SPPL3: variants seen among roughly 807,000 people sequenced by gnomAD.
The protein encoded by SPPL3 is signal peptide peptidase like 3.
A neutral mutation model predicts 42.4 loss-of-function variants in SPPL3; 5 were observed. That is an observed-to-expected ratio of 0.12 (90% confidence interval 0.06 to 0.25). SPPL3 has a LOEUF of 0.25. SPPL3 is among the 10% of genes least tolerant of loss of function. The pLI, the probability that SPPL3 is intolerant of heterozygous loss-of-function variation, is 1.00. For synonymous variants in SPPL3, 195 were observed against 181.8 expected (o/e 1.07, Z -0.58); for missense variants, 235 against 489.0 (o/e 0.48, Z 4.90).
At chr12:120,773,531 G>A (rs180835871) in intron 6 of SPPL3, among the ~76,000 whole-genome samples, 5 of 152,140 alleles carry the variant, frequency 3.3e-5, no homozygotes, top group Admixed American at 2.0e-4. Context: ...AACCAAAAGC[G>A]GGGCAGGGAA....
At position 120,867,907 on chromosome 12, in the gene SPPL3, C is replaced by A. The variant is rs573017585; in HGVS notation, c.23+35938G>T. Among the ~76,000 whole-genome samples, 13 of 151,968 alleles carry A rather than the reference C, an allele frequency of 8.6e-5. No homozygotes were observed. The South Asian group carries it at 2.5e-3, about 29-fold the overall frequency. On this transcript the variant is annotated intron_variant, in intron 1 of 10. Transcript: ENST00000353487. ...GGATTACAGGCACCTGCCACCACACCCAGCTAAATTTGTATCTTTTGTAGA... is the reference window on the plus strand; with the variant it reads ...GGATTACAGGCACCTGCCACCACACACAGCTAAATTTGTATCTTTTGTAGA...
chr12:120,792,957 G>A (rs1869971271), intron 2 of SPPL3, among the ~76,000 whole-genome samples: 1 of 152,124 alleles, frequency 6.6e-6, no homozygotes. Context: ...AAACTTACGT[G>A]CCTCAAAGGA....
chr12:120,903,774 C>A, intron 1 of SPPL3, 71 bp downstream of exon 1: 1 of 1,255,170 alleles, frequency 8.0e-7, no homozygotes, highest in South Asian at 1.6e-5. Flanking sequence ...TCCTCTTCCC[C>A]TCGGCGGGCC....
Position 120,765,067 on chromosome 12 carries a change from C to T in SPPL3, c.1087G>A (p.Asp363Asn). Residue 363 changes from aspartate to asparagine, a missense_variant, in exon 11 of 11, where the codon GAC (aspartate) becomes AAC (asparagine). Around this residue, in one of 6 missense-constraint regions of SPPL3, gnomAD observed 38 missense variants for 105.2 expected, o/e 0.36. Coordinates refer to ENST00000353487, the MANE Select transcript of SPPL3 (RefSeq NM_139015.5). ...GGCTCAGACCACATCCGCCGGAGGTCGCCCTGGGAAACAAGGGACTTTCTA... is the reference window on the plus strand; with the variant it reads ...GGCTCAGACCACATCCGCCGGAGGTTGCCCTGGGAAACAAGGGACTTTCTA... Reference protein sequence around the residue: ...PLLTMAYLKGDLRRMWSEPFH... With the variant: ...PLLTMAYLKGNLRRMWSEPFH... 1 of 1,613,328 alleles carries T rather than the reference C, an allele frequency of 6.2e-7. No homozygotes were observed. Among genetic ancestry groups the T allele is most frequent in the Non-Finnish European group, 8.5e-7 (1 of 1,179,680 alleles).
intron 1 of SPPL3, among the ~76,000 whole-genome samples, chr12:120,852,022 ACTAC>A (rs1353389930): frequency 6.6e-6 from 1 of 152,210 alleles, no homozygotes; most frequent in East Asian, 1.9e-4. Context: ...TGAATTGTGA[ACTAC>A]CTTAAGCTAT....
At chr12:120,815,408 G>A (rs571999407) in intron 1 of SPPL3, among the ~76,000 whole-genome samples, 48 of 152,216 alleles carry the variant, frequency 3.2e-4, no homozygotes, top group Middle Eastern at 6.8e-3. Context: ...TCTTTTTTAT[G>A]ATTAAAGGTC....
chr12:120,786,529 T>C (rs900032508), intron 3 of SPPL3, among the ~76,000 whole-genome samples: 2 of 152,086 alleles, frequency 1.3e-5, no homozygotes, highest in African/African-American at 4.8e-5. Flanking sequence ...AAGACTGTAG[T>C]GGTGAGGTAT....
rs1248084088 is a variant in SPPL3 at position 120,791,739 on chromosome 12, CAA to C, written c.102-184_102-183del. ...CTTCAGTCCTTCCAATGTGTCAGTT[CAA>C]GAGTTTTCCTGACTGCAGATGAAAG... On this transcript the variant is annotated intron_variant, in intron 2 of 10. Transcript: ENST00000353487. 18 of 529,622 alleles carry C rather than the reference CAA, an allele frequency of 3.4e-5. No individual in the cohort carries two copies. In the Admixed American group the frequency reaches 6.9e-4, roughly 20 times the overall value. 32.8% of individuals were successfully genotyped at this position (529,622 alleles called of 1,614,324 possible). A position where few individuals can be genotyped will look rare whatever the true frequency, so the allele number is the denominator to read the frequency against.
intron 1 of SPPL3, among the ~76,000 whole-genome samples, chr12:120,864,523 A>G (rs767442269): frequency 3.9e-5 from 6 of 152,026 alleles, no homozygotes; most frequent in Non-Finnish European, 8.8e-5. Context: ...CAAGAACGAA[A>G]CCCCATCTCA....
At chr12:120,807,971 G>A (rs1260467322) in intron 2 of SPPL3, among the ~76,000 whole-genome samples, 1 of 151,956 alleles carries the variant, frequency 6.6e-6, no homozygotes, top group African/African-American at 2.4e-5. Context: ...AAAAGGTTCT[G>A]AGCTGGAGGT....
intron 9 of SPPL3, among the ~76,000 whole-genome samples, chr12:120,766,587 T>A (rs889004567): frequency 6.6e-6 from 1 of 152,340 alleles, no homozygotes; most frequent in South Asian, 2.1e-4. Context: ...GACCCAAGTC[T>A]CACTCCTTGC....
chr12:120,814,171 G>A (rs1337962889), intron 1 of SPPL3, among the ~76,000 whole-genome samples: 2 of 152,198 alleles, frequency 1.3e-5, no homozygotes, highest in African/African-American at 4.8e-5. Context: ...CCCACACCAG[G>A]CTTTGAGATG....
chr12:120,768,407 G>A lies in SPPL3; in HGVS notation c.691C>T (p.Leu231=). 2 of 1,614,216 alleles carry A rather than the reference G, an allele frequency of 1.2e-6. No individual in the cohort carries two copies. Among genetic ancestry groups the A allele is most frequent in the Non-Finnish European group, 1.7e-6 (2 of 1,180,032 alleles). The change falls in exon 8 of 11, where the codon CTA becomes TTA. Residue 231 remains leucine, a synonymous_variant. Coordinates refer to ENST00000353487, the MANE Select transcript of SPPL3 (RefSeq NM_139015.5). ...TQPADNPLDV[L]SRKLHLGPNV... ...GGCCCCAGGTGGAGCTTCCGGGATAGAACGTCAAGGGGATTGTCAGCCGGC... is the reference window on the plus strand; with the variant it reads ...GGCCCCAGGTGGAGCTTCCGGGATAAAACGTCAAGGGGATTGTCAGCCGGC...
chr12:120,861,450 G>T (rs1872616609), intron 1 of SPPL3, among the ~76,000 whole-genome samples: 1 of 152,182 alleles, frequency 6.6e-6, no homozygotes. Flanking sequence ...GGGAAAAAGA[G>T]TAAGATTTTT....
chr12:120,877,702 A>G (rs1873148189), intron 1 of SPPL3, among the ~76,000 whole-genome samples: 1 of 151,228 alleles, frequency 6.6e-6, no homozygotes, highest in Non-Finnish European at 1.5e-5. Context: ...AATCGCTTGA[A>G]CCTGGGAGGT....
At chr12:120,840,536 G>C (rs2137025433) in intron 1 of SPPL3, among the ~76,000 whole-genome samples, 1 of 152,090 alleles carries the variant, frequency 6.6e-6, no homozygotes, top group South Asian at 2.1e-4. Context: ...AATTAGTGAT[G>C]ATGATTGCAC....
At chr12:120,882,947 T>C (rs745509042) in intron 1 of SPPL3, among the ~76,000 whole-genome samples, 6 of 151,886 alleles carry the variant, frequency 4.0e-5, no homozygotes, top group Non-Finnish European at 7.3e-5. Context: ...GCAGGGACTA[T>C]TTTATCAACA....
At chr12:120,890,610 A>T (rs1873610453) in intron 1 of SPPL3, among the ~76,000 whole-genome samples, 1 of 139,098 alleles carries the variant, frequency 7.2e-6, no homozygotes, top group Non-Finnish European at 1.6e-5. Flanking sequence ...AAAAAAAAAA[A>T]TCAAATCCAG....
At position 120,883,647 on chromosome 12, in the gene SPPL3, A is replaced by G. The variant is rs558435814; in HGVS notation, c.23+20198T>C. Among the ~76,000 whole-genome samples, 4 of 152,376 alleles carry G rather than the reference A, an allele frequency of 2.6e-5. No homozygotes were observed. The East Asian group carries it at 7.7e-4, about 29-fold the overall frequency. Reference sequence around the variant, plus strand: ...ATAAATAATGTGATTATATATTCACAGGATGGAACATTATACAGCACTGGA... The same window carrying G: ...ATAAATAATGTGATTATATATTCACGGGATGGAACATTATACAGCACTGGA... On this transcript the variant is annotated intron_variant, in intron 1 of 10. Coordinates refer to ENST00000353487, the MANE Select transcript of SPPL3 (RefSeq NM_139015.5).
Sources: allele counts gnomAD v4.1 joint callset (sites outside exome capture counted in the v4.1 genomes callset), GRCh38; gene constraint gnomAD v4.1.1; regional missense constraint gnomAD v4.1.1; transcripts MANE v1.5; gene names NCBI Gene and HGNC (gene_info 2026-07-23, HGNC 2026-07-21).